DCC: variants seen among roughly 807,000 people sequenced by gnomAD.
DCC encodes the protein DCC netrin 1 receptor.
A neutral mutation model predicts 172.5 loss-of-function variants in DCC; 58 were observed. The ratio of observed to expected loss-of-function variants is 0.34; its 90% confidence interval spans 0.27 to 0.42. The LOEUF (loss-of-function observed/expected upper bound fraction) is 0.42. Ranked by LOEUF, DCC falls within the 10% of genes least tolerant of loss-of-function variation. DCC has a pLI of 1.00. For missense variants in DCC, 1,740 were observed against 1,791.0 expected, an observed-to-expected ratio of 0.97 and a Z score of 0.51; for synonymous variants, 709 against 644.5, an observed-to-expected ratio of 1.10 and a Z score of -1.52.
At chr18:53,252,773 A>C (rs2056454635) in intron 12 of DCC, among the ~76,000 whole-genome samples, 1 of 152,014 alleles carries the variant, frequency 6.6e-6, no homozygotes, top group African/African-American at 2.4e-5. Context: ...ATCAAAACAG[A>C]ACAGACTAAA....
At chr18:52,790,151 C>T (rs78636654) in intron 2 of DCC, among the ~76,000 whole-genome samples, 12,594 of 152,192 alleles carry the variant, frequency 0.083, 684 homozygotes, top group Non-Finnish European at 0.13. Context: ...AGTATTGCCA[C>T]GTGGTTACAG....
chr18:52,509,410 A>G (rs1472883104), intron 1 of DCC, among the ~76,000 whole-genome samples: 1 of 152,130 alleles, frequency 6.6e-6, no homozygotes. Context: ...GGCTCGTATT[A>G]CATCTTATAT....
chr18:53,320,265 G>A (rs2144822400), intron 13 of DCC, among the ~76,000 whole-genome samples: 1 of 151,946 alleles, frequency 6.6e-6, no homozygotes, highest in South Asian at 2.1e-4. Context: ...GTAGAGACGG[G>A]GTTCCACCGT....
chr18:52,422,010 A>G (rs146143959), intron 1 of DCC, among the ~76,000 whole-genome samples: 1 of 152,298 alleles, frequency 6.6e-6, no homozygotes, highest in Non-Finnish European at 1.5e-5. Context: ...ATGTTTTAAT[A>G]ATGTTTTCCT....
chr18:53,529,012 T>TCG (rs2046489676), intron 28 of DCC, among the ~76,000 whole-genome samples: 1 of 103,688 alleles, frequency 9.6e-6, no homozygotes, highest in Non-Finnish European at 2.0e-5. Flanking sequence ...CTTCTCTCTC[T>TCG]CTCTCTCTCT....
chr18:52,496,024 C>T (rs1026675241), intron 1 of DCC, among the ~76,000 whole-genome samples: 4 of 152,032 alleles, frequency 2.6e-5, no homozygotes, highest in Non-Finnish European at 4.4e-5. Context: ...ATACTAAATG[C>T]CTTACATATA....
chr18:52,592,617 A>G (rs2033823546), intron 1 of DCC, among the ~76,000 whole-genome samples: 1 of 152,184 alleles, frequency 6.6e-6, no homozygotes, highest in African/African-American at 2.4e-5. Context: ...TTCTGGTAGA[A>G]ATAAGGAAAT....
chr18:53,402,266 A>G (rs959637165), intron 18 of DCC, among the ~76,000 whole-genome samples: 1 of 152,080 alleles, frequency 6.6e-6, no homozygotes, highest in Non-Finnish European at 1.5e-5. Context: ...GGTGTGCAAC[A>G]GTGGATCCGG....
chr18:52,731,158 T>C (rs1568068852), intron 1 of DCC, among the ~76,000 whole-genome samples: 1 of 152,240 alleles, frequency 6.6e-6, no homozygotes, highest in Non-Finnish European at 1.5e-5. Flanking sequence ...TGATGCGAGT[T>C]ATTGAGATTG....
intron 1 of DCC, among the ~76,000 whole-genome samples, chr18:52,551,600 A>G (rs146065820): frequency 6.6e-6 from 1 of 151,320 alleles, no homozygotes; most frequent in African/African-American, 2.4e-5. Context: ...CATTTTTAGT[A>G]GTAACACTGC....
chr18:52,927,158 CGTATATATGT>C (rs781438453), intron 5 of DCC, among the ~76,000 whole-genome samples: 8,193 of 25,396 alleles, frequency 0.32, 2,240 homozygotes, highest in Middle Eastern at 0.58. Context: ...TGTATATATA[CGTATATATGT>C]GTATATATGT....
At chr18:52,884,228 T>C (rs1245366818) in intron 2 of DCC, among the ~76,000 whole-genome samples, 1 of 152,142 alleles carries the variant, frequency 6.6e-6, no homozygotes, top group Non-Finnish European at 1.5e-5. Flanking sequence ...TGCTTGAATA[T>C]TGATATATTT....
At chr18:53,040,710 G>A (rs2042157235) in intron 5 of DCC, among the ~76,000 whole-genome samples, 1 of 151,934 alleles carries the variant, frequency 6.6e-6, no homozygotes, top group Admixed American at 6.6e-5. Flanking sequence ...ATAGCACACT[G>A]TAATAAGTAC....
intron 5 of DCC, among the ~76,000 whole-genome samples, chr18:53,017,058 G>T (rs1279516101): frequency 6.3e-5 from 9 of 143,590 alleles, no homozygotes; most frequent in Admixed American, 1.4e-4. Context: ...ATCATGGTAT[G>T]TTTTTTTTTT....
chr18:53,348,144 C>T (rs376244162), intron 15 of DCC, among the ~76,000 whole-genome samples: 3 of 152,256 alleles, frequency 2.0e-5, no homozygotes, highest in East Asian at 1.9e-4. Context: ...AAGTCCCTTT[C>T]GCCTATGATC....
At chr18:52,566,739 C>T (rs1424869870) in intron 1 of DCC, among the ~76,000 whole-genome samples, 2 of 152,158 alleles carry the variant, frequency 1.3e-5, no homozygotes, top group South Asian at 2.1e-4. Context: ...AAAATGACTT[C>T]AGACTCTTTG....
chr18:53,024,668 A>G (rs2041932267), intron 5 of DCC, among the ~76,000 whole-genome samples: 1 of 152,166 alleles, frequency 6.6e-6, no homozygotes. Context: ...GTGGGGTTCT[A>G]GTCCTTTGAT....
chr18:53,070,921 C>A (rs1437633029), intron 7 of DCC, among the ~76,000 whole-genome samples: 2 of 152,140 alleles, frequency 1.3e-5, no homozygotes, highest in Non-Finnish European at 2.9e-5. Flanking sequence ...GGTAGAGAGG[C>A]CAGCTATAAA....
At chr18:53,389,715 C>T (rs1019784890) in intron 16 of DCC, among the ~76,000 whole-genome samples, 2 of 152,066 alleles carry the variant, frequency 1.3e-5, no homozygotes, top group African/African-American at 4.8e-5. Context: ...CACCCAACAC[C>T]CTTGCTTGAA....
Sources: allele counts gnomAD v4.1 joint callset (sites outside exome capture counted in the v4.1 genomes callset), GRCh38; gene constraint gnomAD v4.1.1; transcripts MANE v1.5; gene names NCBI Gene and HGNC (gene_info 2026-07-23, HGNC 2026-07-21).